Variants in TIAM1 observed in about 807,000 individuals in gnomAD.
TIAM1 encodes rho guanine nucleotide exchange factor TIAM1.
Under a neutral mutation model 163.5 loss-of-function variants are expected in TIAM1, and 65 were observed. That is an observed-to-expected ratio of 0.40 (90% CI 0.33 to 0.49). TIAM1 has a LOEUF of 0.49. Ranked by LOEUF, TIAM1 falls within the 20% of genes least tolerant of loss-of-function variation. TIAM1 has a pLI of 0.77. For missense variants in TIAM1, 1,789 were observed against 2,044.7 expected (o/e 0.87, Z 2.41); for synonymous variants, 833 against 810.1 (o/e 1.03, Z -0.48).
intron 2 of TIAM1, among the ~76,000 whole-genome samples, chr21:31,449,539 C>T (rs1473735999): frequency 3.3e-5 from 5 of 151,798 alleles, no homozygotes; most frequent in South Asian, 2.1e-4. Flanking sequence ...CCACCACACC[C>T]AGCTAATTTT....
chr21:31,378,348 A>T (rs1425825059), intron 2 of TIAM1, among the ~76,000 whole-genome samples: 1 of 152,142 alleles, frequency 6.6e-6, no homozygotes, highest in Non-Finnish European at 1.5e-5. Context: ...TCCTTTAAAA[A>T]AAATTCACAT....
At chr21:31,241,209 C>CACA (rs2071157395) in intron 6 of TIAM1, among the ~76,000 whole-genome samples, 1 of 152,062 alleles carries the variant, frequency 6.6e-6, no homozygotes, top group Non-Finnish European at 1.5e-5. Flanking sequence ...CTAAGAGAGT[C>CACA]ACAACACAGT....
intron 4 of TIAM1, among the ~76,000 whole-genome samples, chr21:31,259,563 A>G (rs2072328959): frequency 6.6e-6 from 1 of 151,954 alleles, no homozygotes; most frequent in African/African-American, 2.4e-5. Context: ...GTGCACTATG[A>G]TAATATCTGT....
chr21:31,308,835 T>A (rs1414236728), intron 2 of TIAM1, among the ~76,000 whole-genome samples: 1 of 152,150 alleles, frequency 6.6e-6, no homozygotes, highest in African/African-American at 2.4e-5. Flanking sequence ...GTAGTCCCTA[T>A]GTACAGCCTA....
chr21:31,286,850 G>A (rs1259436858), intron 2 of TIAM1, among the ~76,000 whole-genome samples: 2 of 152,138 alleles, frequency 1.3e-5, no homozygotes, highest in African/African-American at 2.4e-5. Flanking sequence ...ACAAGACAGA[G>A]TGACGTAACC....
rs2076668728 is a variant in TIAM1, at chr21:31,375,542, G to A, written c.-368-36120C>T. ...CCATGTTCATTCATATATAGAAAAG[G>A]AAAAATCAACAACTTTATTTTTTAT... On this transcript the variant is annotated intron_variant, in intron 2 of 28. Transcript: ENST00000286827. Among the ~76,000 whole-genome samples, 4 of 105,022 alleles carry A rather than the reference G, an allele frequency of 3.8e-5. No individual in the cohort carries two copies. In the South Asian group the frequency reaches 1.4e-3, roughly 38 times the overall value. 68.9% of individuals were successfully genotyped at this position (105,022 alleles called of 152,430 possible).
chr21:31,233,608 G>C (rs2088562940), intron 6 of TIAM1, among the ~76,000 whole-genome samples: 1 of 152,216 alleles, frequency 6.6e-6, no homozygotes, highest in African/African-American at 2.4e-5. Context: ...GGGAGGCTGA[G>C]GCAGGAGAAT....
Position 31,203,025 on chromosome 21 carries a change from A to G in TIAM1, c.2389-13T>C, listed in dbSNP as rs758011553. ...CCAGTTGATGTGTCTGGGACAAAAAAGAAAGAAAGAAAGAAAATGTCTGTT... is the reference window on the plus strand; with the variant it reads ...CCAGTTGATGTGTCTGGGACAAAAAGGAAAGAAAGAAAGAAAATGTCTGTT... On this transcript the variant is annotated splice_polypyrimidine_tract_variant and intron_variant, in intron 11 of 27. Coordinates refer to ENST00000541036, the MANE Select transcript of TIAM1 (RefSeq NM_001353694.2). 5 of 1,523,576 alleles carry G rather than the reference A, an allele frequency of 3.3e-6. No individual in the cohort carries two copies. Among genetic ancestry groups the G allele is most frequent in the Non-Finnish European group, 4.5e-6 (5 of 1,114,496 alleles). The allele number at this position is 1,523,576 out of a possible 1,614,324, so 94.4% of individuals were successfully genotyped here. A position where few individuals can be genotyped will look rare whatever the true frequency, so the allele number is the denominator to read the frequency against.
chr21:31,407,392 CG>C (rs2077265189), intron 2 of TIAM1, among the ~76,000 whole-genome samples: 1 of 151,990 alleles, frequency 6.6e-6, no homozygotes, highest in African/African-American at 2.4e-5. Flanking sequence ...CACGAAGAAG[CG>C]GCTCAAGCAC....
intron 27 of TIAM1, among the ~76,000 whole-genome samples, chr21:31,121,131 T>C (rs1248133436): frequency 6.6e-6 from 1 of 152,064 alleles, no homozygotes; most frequent in African/African-American, 2.4e-5. Flanking sequence ...CCCTCTGAAA[T>C]AATCTACTGT....
At position 31,266,228 on chromosome 21, in the gene TIAM1, G is replaced by C. The variant is rs1279520513; in HGVS notation, c.745C>G (p.Pro249Ala). The C allele has an allele frequency of 1.9e-6, 3 of 1,613,988 alleles. No individual in the cohort carries two copies. The highest frequency in any genetic ancestry group is 3.3e-4 in the Middle Eastern group (2 of 6,084). The part of the protein sequence containing the change: ...KNSGVTANGG[P>A]GSKFAGYCRN... ...CAGTAGCCTGCAAATTTGCTCCCCGGCCCCCCGTTTGCTGTCACTCCAGAG... is the reference window on the plus strand; with the variant it reads ...CAGTAGCCTGCAAATTTGCTCCCCGCCCCCCCGTTTGCTGTCACTCCAGAG... Residue 249 changes from proline to alanine, a missense_variant, in exon 4 of 28, where the codon CCG becomes GCG. Coordinates refer to ENST00000541036, the MANE Select transcript of TIAM1 (RefSeq NM_001353694.2).
At chr21:31,261,906 A>G (rs1367823653) in intron 4 of TIAM1, among the ~76,000 whole-genome samples, 2 of 152,136 alleles carry the variant, frequency 1.3e-5, no homozygotes, top group Non-Finnish European at 2.9e-5. Context: ...TCCCAGAGAC[A>G]TGCTCAGTAC....
rs550109588 is a variant in TIAM1, at chr21:31,372,407, C to A, written c.-368-32985G>T. 1.3e-4 allele frequency among the ~76,000 whole-genome samples: 20 copies of A among 152,262 alleles called. No individual in the cohort carries two copies. The East Asian group carries it at 3.9e-3, about 29-fold the overall frequency. ...CACTGTTAAGCTGAAAAGGTTTGAA[C>A]TGAGTGCCCAGTAGGAAATATGGAG... is the stretch of plus-strand genomic sequence containing the variant. On this transcript the variant is annotated intron_variant, in intron 2 of 28. Coordinates refer to the TIAM1 transcript ENST00000286827.
chr21:31,222,679 ATATATATATATAT>A (rs543410818), intron 8 of TIAM1, among the ~76,000 whole-genome samples: 5 of 35,004 alleles, frequency 1.4e-4, no homozygotes, highest in Admixed American at 5.4e-4. Flanking sequence ...ACACATACAT[ATATATATATATAT>A]ATATATATAT....
chr21:31,209,551 A>C (rs146989952), intron 11 of TIAM1, among the ~76,000 whole-genome samples: 27 of 152,340 alleles, frequency 1.8e-4, no homozygotes, highest in African/African-American at 6.3e-4. Context: ...ATTTTCCCCA[A>C]TTCTAAAGAT....
At chr21:31,361,456 A>G (rs1320549915) in intron 2 of TIAM1, among the ~76,000 whole-genome samples, 1 of 152,126 alleles carries the variant, frequency 6.6e-6, no homozygotes, top group Non-Finnish European at 1.5e-5. Flanking sequence ...GGGGCTGCCA[A>G]TGTTGCATTT....
At chr21:31,446,621 G>GA (rs2044633871) in intron 2 of TIAM1, among the ~76,000 whole-genome samples, 2 of 152,070 alleles carry the variant, frequency 1.3e-5, no homozygotes, top group African/African-American at 2.4e-5. Flanking sequence ...AAACAGAAAA[G>GA]AAACACAAAG....
At chr21:31,416,056 G>T (rs921808545) in intron 2 of TIAM1, among the ~76,000 whole-genome samples, 2 of 152,126 alleles carry the variant, frequency 1.3e-5, no homozygotes, top group Non-Finnish European at 2.9e-5. Flanking sequence ...TTAACTTTCT[G>T]TTAGTAAAAT....
chr21:31,461,453 C>T (rs1477668515), intron 2 of TIAM1, among the ~76,000 whole-genome samples: 1 of 152,048 alleles, frequency 6.6e-6, no homozygotes. Context: ...CACTGTACTG[C>T]AGCCTGGGCA....
Sources: gnomAD v4.1 joint callset for allele counts (sites outside exome capture counted in the v4.1 genomes callset) on GRCh38, gnomAD v4.1.1 for gene constraint, MANE v1.5 for transcripts, NCBI Gene and HGNC (gene_info 2026-07-23, HGNC 2026-07-21) for gene names.